CTNND2: variants seen among roughly 807,000 people sequenced by gnomAD.
The protein encoded by CTNND2 is catenin delta 2, also known as catenin delta-2.
CTNND2 carries 22 observed loss-of-function variants against 144.4 expected under a neutral mutation model. The observed-to-expected ratio is 0.15, with a 90% confidence interval of 0.11 to 0.22. The LOEUF (loss-of-function observed/expected upper bound fraction) is 0.22, where lower values mean the gene tolerates loss of function less well. Among genes scored for constraint, CTNND2 ranks in the 10% least tolerant of loss-of-function variants. The pLI is 1.00. For synonymous variants in CTNND2, 751 were observed against 695.6 expected (o/e 1.08, Z -1.25); for missense variants, 1,353 against 1,618.8 (o/e 0.84, Z 2.82).
At chr5:11,231,548 C>A (rs1398350601) in intron 10 of CTNND2, among the ~76,000 whole-genome samples, 1 of 152,152 alleles carries the variant, frequency 6.6e-6, no homozygotes, top group Non-Finnish European at 1.5e-5. Flanking sequence ...CAGCATTTTG[C>A]TCCTGCTCTA....
chr5:11,277,142 CTT>C (rs551928537), intron 9 of CTNND2, among the ~76,000 whole-genome samples: 340 of 151,564 alleles, frequency 2.2e-3, no homozygotes, highest in Non-Finnish European at 3.9e-3. Flanking sequence ...TCCCCCTTGC[CTT>C]TTTTTTTCTT....
intron 1 of CTNND2, among the ~76,000 whole-genome samples, chr5:11,830,076 T>C (rs957967149): frequency 2.0e-5 from 3 of 152,324 alleles, no homozygotes; most frequent in South Asian, 2.1e-4. Flanking sequence ...TTTCTCCCAT[T>C]AGGAATGGCT....
intron 1 of CTNND2, among the ~76,000 whole-genome samples, chr5:11,769,589 T>C (rs1386690896): frequency 6.6e-6 from 1 of 152,208 alleles, no homozygotes; most frequent in African/African-American, 2.4e-5. Context: ...CATTTGCCTA[T>C]ATCACTGAAA....
chr5:11,106,251 T>C (rs144070812), intron 14 of CTNND2, among the ~76,000 whole-genome samples: 1 of 152,348 alleles, frequency 6.6e-6, no homozygotes, highest in Non-Finnish European at 1.5e-5. Context: ...GAGATTTAAC[T>C]ACACAGATGT....
chr5:11,334,163 C>T (rs955385374), intron 9 of CTNND2, among the ~76,000 whole-genome samples: 2 of 152,028 alleles, frequency 1.3e-5, no homozygotes, highest in Non-Finnish European at 2.9e-5. Flanking sequence ...AGATAAATGG[C>T]CAGGATTTCT....
intron 1 of CTNND2, among the ~76,000 whole-genome samples, chr5:11,813,872 G>C (rs952470099): frequency 6.6e-6 from 1 of 152,118 alleles, no homozygotes; most frequent in Non-Finnish European, 1.5e-5. Context: ...ACGTTAAAAT[G>C]ATGCTATAAT....
At chr5:11,747,023 C>A (rs1412966862) in intron 1 of CTNND2, among the ~76,000 whole-genome samples, 2 of 151,954 alleles carry the variant, frequency 1.3e-5, no homozygotes, top group Non-Finnish European at 2.9e-5. Context: ...ATATTTCTAC[C>A]AATCACACCT....
intron 2 of CTNND2, among the ~76,000 whole-genome samples, chr5:11,654,048 G>A (rs1364825939): frequency 5.9e-5 from 9 of 152,072 alleles, no homozygotes; most frequent in South Asian, 2.1e-4. Flanking sequence ...CTAGTTGACC[G>A]TATGTAGGTG....
intron 17 of CTNND2, among the ~76,000 whole-genome samples, chr5:11,021,415 C>T (rs1386866855): frequency 6.6e-6 from 1 of 152,062 alleles, no homozygotes; most frequent in Non-Finnish European, 1.5e-5. Context: ...ATGCTCAAAA[C>T]AGGTAAGCAC....
At chr5:11,838,843 CAT>C (rs943417426) in intron 1 of CTNND2, among the ~76,000 whole-genome samples, 22 of 152,238 alleles carry the variant, frequency 1.4e-4, no homozygotes, top group African/African-American at 4.8e-4. Flanking sequence ...TAGCACCTAA[CAT>C]AATGGTGCTT....
At chr5:11,556,109 C>T (rs1776210708) in intron 3 of CTNND2, among the ~76,000 whole-genome samples, 1 of 152,180 alleles carries the variant, frequency 6.6e-6, no homozygotes, top group East Asian at 1.9e-4. Flanking sequence ...CTAACAATTA[C>T]TCCCTAACTT....
intron 10 of CTNND2, among the ~76,000 whole-genome samples, chr5:11,223,033 C>A (rs1580630874): frequency 6.6e-6 from 1 of 152,330 alleles, no homozygotes; most frequent in East Asian, 1.9e-4. Context: ...CACCAGGCCA[C>A]TGCCTATGTC....
At chr5:11,816,321 TCCC>T (rs1792652888) in intron 1 of CTNND2, among the ~76,000 whole-genome samples, 1 of 151,934 alleles carries the variant, frequency 6.6e-6, no homozygotes, top group African/African-American at 2.4e-5. Context: ...AGAGATCCTG[TCCC>T]CAAGGGCTAC....
intron 12 of CTNND2, among the ~76,000 whole-genome samples, chr5:11,149,937 T>C (rs1218347127): frequency 1.3e-5 from 2 of 152,186 alleles, no homozygotes; most frequent in Non-Finnish European, 2.9e-5. Flanking sequence ...CTTCTGTCAG[T>C]TTAGAACAAG....
chr5:11,819,209 G>A (rs769115168), intron 1 of CTNND2, among the ~76,000 whole-genome samples: 32 of 152,136 alleles, frequency 2.1e-4, no homozygotes, highest in African/African-American at 7.5e-4. Context: ...TGAGGCCGGC[G>A]GATCACTGGA....
intron 5 of CTNND2, among the ~76,000 whole-genome samples, chr5:11,410,868 T>C (rs997080015): frequency 6.6e-6 from 1 of 151,814 alleles, no homozygotes; most frequent in Non-Finnish European, 1.5e-5. Flanking sequence ...AAAGCACTGA[T>C]AGGTAATTTT....
chr5:11,439,754 ATCTATCT>A (rs1764087962), intron 3 of CTNND2, among the ~76,000 whole-genome samples: 1 of 120,320 alleles, frequency 8.3e-6, no homozygotes, highest in Non-Finnish European at 1.9e-5. Flanking sequence ...CTATCTATCT[ATCTATCT>A]ATCTATCTAT....
chr5:11,699,934 G>A (rs1785348311), intron 2 of CTNND2, among the ~76,000 whole-genome samples: 1 of 152,306 alleles, frequency 6.6e-6, no homozygotes, highest in Admixed American at 6.5e-5. Context: ...TTGTAGTAGA[G>A]GGAGTCGGAT....
intron 16 of CTNND2, among the ~76,000 whole-genome samples, chr5:11,062,973 C>T (rs1053460110): frequency 6.6e-6 from 1 of 152,158 alleles, no homozygotes; most frequent in African/African-American, 2.4e-5. Flanking sequence ...GACAATTCAT[C>T]GTTTTCTTCA....
Sources: gnomAD v4.1 joint callset for allele counts (sites outside exome capture counted in the v4.1 genomes callset) on GRCh38, gnomAD v4.1.1 for gene constraint, MANE v1.5 for transcripts, NCBI Gene and HGNC (gene_info 2026-07-23, HGNC 2026-07-21) for gene names.